The following CSMD1 variants were observed in gnomAD, a reference collection of about 807,000 sequenced individuals.
CSMD1 encodes the protein CUB and sushi domain-containing protein 1.
In CSMD1, 213 loss-of-function variants were observed where a neutral mutation model predicts 417.5. The ratio of observed to expected loss-of-function variants is 0.51; its 90% CI spans 0.46 to 0.57. CSMD1 has a LOEUF of 0.57. Among genes scored for constraint, CSMD1 ranks in the 20% least tolerant of loss-of-function variants. CSMD1 has a pLI of 0.00. For synonymous variants in CSMD1, 2,862 were observed against 1,736.8 expected (o/e 1.65, Z -16.11); for missense variants, 6,923 against 4,529.7 (o/e 1.53, Z -15.17).
intron 3 of CSMD1, among the ~76,000 whole-genome samples, chr8:4,417,581 A>C (rs1325820254): frequency 6.6e-6 from 1 of 152,010 alleles, no homozygotes; most frequent in Non-Finnish European, 1.5e-5. Flanking sequence ...AGTTGCCTTT[A>C]TACGTCTTGG....
chr8:4,000,060 G>T (rs1815545088), intron 4 of CSMD1, among the ~76,000 whole-genome samples: 1 of 152,254 alleles, frequency 6.6e-6, no homozygotes, highest in Non-Finnish European at 1.5e-5. Flanking sequence ...TTTGAAAACT[G>T]CAAAAGTACT....
In CSMD1 at chr8:4,920,092, G is replaced by C. The variant is rs565467956; in HGVS notation, c.85+74240C>G. ...AAATAAAATGAAAAGACAAATAGAA[G>C]ACAATGTTGAGATCAATCAAGGTAG... On this transcript the variant is annotated intron_variant, in intron 1 of 69. Coordinates refer to ENST00000635120, the MANE Select transcript of CSMD1 (RefSeq NM_033225.6). Among the ~76,000 whole-genome samples, 4 of 152,260 alleles carry C rather than the reference G, an allele frequency of 2.6e-5. No homozygotes were observed. In the East Asian group the frequency reaches 7.7e-4, roughly 29 times the overall value.
intron 1 of CSMD1, among the ~76,000 whole-genome samples, chr8:4,816,806 T>A (rs1006984712): frequency 5.3e-5 from 8 of 152,100 alleles, no homozygotes; most frequent in Admixed American, 3.3e-4. Context: ...GGGAGAGATG[T>A]CACAGAGCCA....
At chr8:4,854,458 G>A (rs930912015) in intron 1 of CSMD1, among the ~76,000 whole-genome samples, 1 of 152,194 alleles carries the variant, frequency 6.6e-6, no homozygotes, top group Admixed American at 6.5e-5. Flanking sequence ...CCCACTGTGA[G>A]CGACGCAGAA....
chr8:3,337,056 T>A (rs1807311346), intron 23 of CSMD1, among the ~76,000 whole-genome samples: 1 of 152,030 alleles, frequency 6.6e-6, no homozygotes, highest in Non-Finnish European at 1.5e-5. Context: ...GGAGCTGGGG[T>A]TGGCCAGGCC....
chr8:4,599,891 A>C (rs551272561), intron 2 of CSMD1, among the ~76,000 whole-genome samples: 1 of 152,202 alleles, frequency 6.6e-6, no homozygotes, highest in African/African-American at 2.4e-5. Flanking sequence ...AGTTTTTTGT[A>C]AACTGCTCAA....
chr8:4,382,872 G>T (rs990933891), intron 3 of CSMD1, among the ~76,000 whole-genome samples: 1 of 152,120 alleles, frequency 6.6e-6, no homozygotes, highest in African/African-American at 2.4e-5. Flanking sequence ...AGCTCAAGGC[G>T]CAGTAAGATT....
intron 3 of CSMD1, among the ~76,000 whole-genome samples, chr8:4,262,453 G>T (rs987298837): frequency 6.6e-6 from 1 of 152,214 alleles, no homozygotes; most frequent in African/African-American, 2.4e-5. Context: ...CCCGCGCAGT[G>T]CAGGCAAAGA....
At chr8:4,639,854 C>G (rs1344135951) in intron 1 of CSMD1, among the ~76,000 whole-genome samples, 1 of 151,982 alleles carries the variant, frequency 6.6e-6, no homozygotes, top group Admixed American at 6.6e-5. Flanking sequence ...AGTTTAAAAC[C>G]AGAGAACTAA....
intron 2 of CSMD1, among the ~76,000 whole-genome samples, chr8:4,632,911 C>A (rs1007841098): frequency 1.3e-5 from 2 of 152,168 alleles, no homozygotes; most frequent in Non-Finnish European, 2.9e-5. Flanking sequence ...GAGTAACCCA[C>A]AGATCTGTGC....
intron 10 of CSMD1, among the ~76,000 whole-genome samples, chr8:3,537,318 A>T (rs569553455): frequency 9.2e-5 from 14 of 152,184 alleles, no homozygotes; most frequent in African/African-American, 3.4e-4. Context: ...ACTCTTGCTT[A>T]TATGACTCAT....
chr8:4,238,868 G>A (rs905076478), intron 3 of CSMD1, among the ~76,000 whole-genome samples: 14 of 152,038 alleles, frequency 9.2e-5, no homozygotes, highest in South Asian at 4.1e-4. Context: ...GATAGCAAAT[G>A]CAATTTTTTT....
At chr8:4,191,311 G>C (rs1799017277) in intron 3 of CSMD1, among the ~76,000 whole-genome samples, 2 of 152,152 alleles carry the variant, frequency 1.3e-5, no homozygotes, top group South Asian at 4.2e-4. Context: ...CAGGAGAATG[G>C]CGTGAACCCG....
chr8:4,119,165 G>A (rs979986590), intron 3 of CSMD1, among the ~76,000 whole-genome samples: 1 of 151,958 alleles, frequency 6.6e-6, no homozygotes, highest in Non-Finnish European at 1.5e-5. Context: ...CTAGATGATG[G>A]TTTGATAGGT....
chr8:4,905,678 G>A (rs113377025), intron 1 of CSMD1, among the ~76,000 whole-genome samples: 1 of 151,854 alleles, frequency 6.6e-6, no homozygotes, highest in African/African-American at 2.4e-5. Flanking sequence ...AAATTAGCCG[G>A]GCGTGGTGGC....
intron 37 of CSMD1, among the ~76,000 whole-genome samples, chr8:3,176,641 A>G (rs1397000561): frequency 2.0e-5 from 3 of 152,198 alleles, no homozygotes; most frequent in Non-Finnish European, 4.4e-5. Flanking sequence ...GAGATCTGCA[A>G]AAAAGAACAT....
At chr8:4,922,937 T>G (rs1036793090) in intron 1 of CSMD1, among the ~76,000 whole-genome samples, 2 of 152,190 alleles carry the variant, frequency 1.3e-5, no homozygotes, top group African/African-American at 4.8e-5. Context: ...AGTCTTGGTG[T>G]ATATGCATAT....
chr8:4,329,950 A>T (rs1799775407), intron 3 of CSMD1, among the ~76,000 whole-genome samples: 1 of 151,912 alleles, frequency 6.6e-6, no homozygotes, highest in Non-Finnish European at 1.5e-5. Flanking sequence ...TTCTGCCATG[A>T]CTGGAAGCTC....
chr8:2,950,497 T>C (rs1802556201), intron 66 of CSMD1, among the ~76,000 whole-genome samples, 154 bp from the exon 67 acceptor site: 1 of 152,174 alleles, frequency 6.6e-6, no homozygotes, highest in South Asian at 2.1e-4. Context: ...AATTTTAGCT[T>C]AGGAGCTTCC....
Sources: allele counts gnomAD v4.1 joint callset (sites outside exome capture counted in the v4.1 genomes callset), GRCh38; gene constraint gnomAD v4.1.1; transcripts MANE v1.5; gene names NCBI Gene and HGNC (gene_info 2026-07-23, HGNC 2026-07-21).